The following HSD17B2 variants were observed in gnomAD, a reference collection of about 807,000 sequenced individuals.
HSD17B2 encodes the protein hydroxysteroid 17-beta dehydrogenase 2.
A neutral mutation model predicts 26.9 loss-of-function variants in HSD17B2; 32 were observed. That is an observed-to-expected ratio of 1.19 (90% CI 0.90 to 1.60). The LOEUF (loss-of-function observed/expected upper bound fraction) is 1.60. Among genes scored for constraint, HSD17B2 ranks in the 40% most tolerant of loss-of-function variants. HSD17B2 has a pLI of 0.00. For synonymous variants in HSD17B2, 246 were observed against 186.7 expected (o/e 1.32, Z -2.59); for missense variants, 613 against 468.6 (o/e 1.31, Z -2.85).
chr16:82,057,508 T>C (rs1346536688), intron 1 of HSD17B2, among the ~76,000 whole-genome samples: 1 of 152,128 alleles, frequency 6.6e-6, no homozygotes, highest in Non-Finnish European at 1.5e-5. Flanking sequence ...AACTCCCCAG[T>C]TTTTAAGTGT....
At chr16:82,055,675 G>A (rs1914244607) in intron 1 of HSD17B2, among the ~76,000 whole-genome samples, 1 of 152,360 alleles carries the variant, frequency 6.6e-6, no homozygotes, top group South Asian at 2.1e-4. Flanking sequence ...ACAGCGTACT[G>A]TATCCACCAT....
At chr16:82,077,088 T>G (rs1423672562) in intron 3 of HSD17B2, among the ~76,000 whole-genome samples, 2 of 152,214 alleles carry the variant, frequency 1.3e-5, no homozygotes, top group African/African-American at 4.8e-5. Context: ...ACGTCCATAC[T>G]ATTCAAGGAA....
At chr16:82,076,819 T>C (rs73603093) in intron 3 of HSD17B2, among the ~76,000 whole-genome samples, 19,161 of 152,122 alleles carry the variant, frequency 0.13, 4,017 homozygotes, top group African/African-American at 0.43. Flanking sequence ...ACTTTGTGAT[T>C]TGCCTGCCTC....
At chr16:82,071,824 C>T (rs182129266) in intron 3 of HSD17B2, 289 of 155,348 alleles carry the variant, frequency 1.9e-3, no homozygotes, top group African/African-American at 6.7e-3. Context: ...ATCGACCTGA[C>T]TTTTGGGTCA....
chr16:82,075,657 T>C (rs972818279), intron 3 of HSD17B2, among the ~76,000 whole-genome samples: 7 of 152,044 alleles, frequency 4.6e-5, no homozygotes, highest in Admixed American at 3.3e-4. Context: ...CCTACCAAGA[T>C]TGAACCATGA....
chr16:82,035,753 G>A, intron 1 of HSD17B2, 64 bp downstream of exon 1: 1 of 1,522,632 alleles, frequency 6.6e-7, no homozygotes, highest in Admixed American at 1.9e-5. Flanking sequence ...GCCTTAGCAG[G>A]ACTTTGTCAA....
intron 3 of HSD17B2, among the ~76,000 whole-genome samples, chr16:82,078,866 G>A (rs900872851): frequency 5.9e-5 from 9 of 152,218 alleles, no homozygotes; most frequent in Admixed American, 4.6e-4. Flanking sequence ...GGTTACCAGA[G>A]GCTGGGAAGA....
At chr16:82,073,835 G>T (rs1325459461) in intron 3 of HSD17B2, among the ~76,000 whole-genome samples, 2 of 152,022 alleles carry the variant, frequency 1.3e-5, no homozygotes, top group Non-Finnish European at 2.9e-5. Context: ...GTTCTTCACA[G>T]AACTAGAAAA....
chr16:82,057,771 C>A (rs1349736730), intron 1 of HSD17B2, among the ~76,000 whole-genome samples: 1 of 152,172 alleles, frequency 6.6e-6, no homozygotes, highest in South Asian at 2.1e-4. Flanking sequence ...AAGCATCAGA[C>A]AAATTCAAAT....
chr16:82,088,364 A>G (rs1475275366), intron 3 of HSD17B2, among the ~76,000 whole-genome samples: 1 of 152,168 alleles, frequency 6.6e-6, no homozygotes, highest in African/African-American at 2.4e-5. Flanking sequence ...ATATATTATT[A>G]ATTTAACTTT....
At chr16:82,042,888 T>G (rs972088965) in intron 1 of HSD17B2, among the ~76,000 whole-genome samples, 5 of 152,250 alleles carry the variant, frequency 3.3e-5, no homozygotes, top group African/African-American at 1.2e-4. Flanking sequence ...CCCAAAGTGC[T>G]GGCATTACAG....
chr16:82,097,248 CTATGTCTATGTCTA>C lies in HSD17B2; in HGVS notation c.803-825_803-812del, dbSNP rs1904869197. The stretch of plus-strand genomic sequence containing the variant: ...TCTATGTCTATGTCTATGTCTATGT[CTATGTCTATGTCTA>C]TGTCTATGTGTGTGTATGTGTGTGT... On this transcript the variant is annotated intron_variant, in intron 4 of 4. Coordinates refer to ENST00000199936, the MANE Select transcript of HSD17B2 (RefSeq NM_002153.3). 3.2e-5 allele frequency: 4 copies of C among 126,390 alleles called. No individual in the cohort carries two copies. In the South Asian group the frequency reaches 1.1e-3, roughly 34 times the overall value. The allele number at this position is 126,390 out of a possible 1,614,324, so 7.8% of individuals were successfully genotyped here. A position where few individuals can be genotyped will look rare whatever the true frequency, so the allele number is the denominator to read the frequency against.
chr16:82,038,807 A>T (rs562331188), intron 1 of HSD17B2, among the ~76,000 whole-genome samples: 1 of 152,286 alleles, frequency 6.6e-6, no homozygotes, highest in Non-Finnish European at 1.5e-5. Context: ...AGACATTGAG[A>T]AGTCCTCTGA....
chr16:82,066,936 G>C (rs1332272961), intron 1 of HSD17B2, among the ~76,000 whole-genome samples: 1 of 152,280 alleles, frequency 6.6e-6, no homozygotes, highest in African/African-American at 2.4e-5. Flanking sequence ...GTGTTGTAAA[G>C]AACATCATTT....
intron 1 of HSD17B2, among the ~76,000 whole-genome samples, chr16:82,065,485 GC>G (rs567359630): frequency 8.1e-4 from 123 of 152,248 alleles, no homozygotes; most frequent in African/African-American, 2.9e-3. Context: ...AAAATCCATG[GC>G]CCCCATATAT....
chr16:82,056,412 T>A (rs1221952222), intron 1 of HSD17B2: 2 of 152,174 alleles, frequency 1.3e-5, no homozygotes, highest in African/African-American at 2.4e-5. Flanking sequence ...TAACAAAAAA[T>A]TTCTATTAAC....
At chr16:82,081,937 C>T (rs11647954) in intron 3 of HSD17B2, among the ~76,000 whole-genome samples, 66,413 of 151,968 alleles carry the variant, frequency 0.44, 15,670 homozygotes, top group Middle Eastern at 0.56. Flanking sequence ...GAGATCATAT[C>T]CTTTGCAGGG....
intron 4 of HSD17B2, chr16:82,093,830 A>G (rs1413953966): frequency 1.3e-5 from 2 of 152,216 alleles, no homozygotes; most frequent in Non-Finnish European, 2.9e-5. Context: ...TATATTCTAG[A>G]CAAGGAGTGG....
At chr16:82,067,503 G>T (rs1914599335) in intron 1 of HSD17B2, among the ~76,000 whole-genome samples, 1 of 152,190 alleles carries the variant, frequency 6.6e-6, no homozygotes, top group Admixed American at 6.5e-5. Flanking sequence ...GTCATACTTT[G>T]TGTATTACAT....
Sources: gnomAD v4.1 joint callset for allele counts (sites outside exome capture counted in the v4.1 genomes callset) on GRCh38, gnomAD v4.1.1 for gene constraint, MANE v1.5 for transcripts, NCBI Gene and HGNC (gene_info 2026-07-23, HGNC 2026-07-21) for gene names.